Variants in CCDC70 observed in about 807,000 individuals in gnomAD.
CCDC70 encodes the protein coiled-coil domain containing 70, also known as coiled-coil domain-containing protein 70.
A neutral mutation model predicts 9.1 loss-of-function variants in CCDC70; 4 were observed. The observed-to-expected ratio is 0.44, with a 90% confidence interval of 0.22 to 1.00. CCDC70 has a LOEUF of 1.00. Among genes scored for constraint, CCDC70 ranks in the 50% least tolerant of loss-of-function variants. The pLI is 0.25. For missense variants in CCDC70, 308 were observed against 271.3 expected (o/e 1.14, Z -0.95); for synonymous variants, 119 against 94.0 (o/e 1.27, Z -1.54).
chr13:51,865,378 C>G lies in CCDC70; in HGVS notation c.-34C>G. ...CCTGGCCAAGGGTCCTGTCATCCCT[C>G]ATGGCCACCCCGCCATTCCGGCTGA... On this transcript the variant is annotated 5_prime_UTR_variant, in exon 2 of 2. Coordinates refer to ENST00000242819, the MANE Select transcript of CCDC70 (RefSeq NM_031290.4). 1 of 1,584,044 alleles carries G rather than the reference C, an allele frequency of 6.3e-7. No individual in the cohort carries two copies. Among genetic ancestry groups the G allele is most frequent in the Non-Finnish European group, 8.6e-7 (1 of 1,165,416 alleles).
chr13:51,863,674 C>CAG (rs1566370054), intron 1 of CCDC70, among the ~76,000 whole-genome samples: 46 of 24,044 alleles, frequency 1.9e-3, no homozygotes, highest in African/African-American at 3.0e-3. Context: ...CGCACACAGA[C>CAG]ACACACACAC....
chr13:51,864,761 A>G (rs1447797232), intron 1 of CCDC70, among the ~76,000 whole-genome samples: 1 of 152,128 alleles, frequency 6.6e-6, no homozygotes, highest in East Asian at 1.9e-4. Flanking sequence ...GTTCCATATT[A>G]CTAAATATTG....
chr13:51,865,744 G>C lies in CCDC70; in HGVS notation c.333G>C (p.Trp111Cys), dbSNP rs768556173. 1.2e-6 allele frequency: 2 copies of C among 1,614,110 alleles called. No individual in the cohort carries two copies. The highest frequency in any genetic ancestry group is 2.2e-5 in the South Asian group (2 of 91,078). The change falls in exon 2 of 2, where the codon TGG becomes TGC. Residue 111 changes from tryptophan to cysteine, a missense_variant. Coordinates refer to ENST00000242819, the MANE Select transcript of CCDC70 (RefSeq NM_031290.4). The part of the protein sequence containing the change: ...KSFREEEKTF[W>C]KKYRTFWKED... ...TCAGGGAGGAAGAGAAAACTTTCTGGAAAAAGTACCGCACTTTCTGGAAGG... is the reference window on the plus strand; with the variant it reads ...TCAGGGAGGAAGAGAAAACTTTCTGCAAAAAGTACCGCACTTTCTGGAAGG...
chr13:51,862,900 C>A (rs145464534), intron 1 of CCDC70, among the ~76,000 whole-genome samples: 1 of 152,134 alleles, frequency 6.6e-6, no homozygotes, highest in Non-Finnish European at 1.5e-5. Flanking sequence ...CCTATATAGG[C>A]GGCGTTATAT....
In CCDC70 at chr13:51,865,945, T is replaced by A. The variant is rs774540385; in HGVS notation, c.534T>A (p.Asn178Lys). Residue 178 changes from asparagine (N) to lysine (K), a missense_variant, in exon 2 of 2, where the codon AAT (asparagine) becomes AAA (lysine). By Grantham distance (94) the Asn-to-Lys change is moderately conservative. Transcript: ENST00000242819. Reference sequence around the variant, plus strand: ...AAACGTCCCTCTGGGAGGAAGAGAATGCCCTCTGGGAGGAAGAGAGGGCCT... The same window carrying A: ...AAACGTCCCTCTGGGAGGAAGAGAAAGCCCTCTGGGAGGAAGAGAGGGCCT... ...EDKTSLWEEE[N>K]ALWEEERAFW... 9 of 1,613,756 alleles carry A rather than the reference T, an allele frequency of 5.6e-6. No homozygotes were observed. The Admixed American group carries it at 1.5e-4, about 27-fold the overall frequency.
chr13:51,865,709 G>T lies in CCDC70; in HGVS notation c.298G>T (p.Glu100Ter), dbSNP rs377500451. 2 of 1,614,206 alleles carry T rather than the reference G, an allele frequency of 1.2e-6. No homozygotes were observed. The highest frequency in any genetic ancestry group is 1.7e-6 in the Non-Finnish European group (2 of 1,180,024). The change falls in exon 2 of 2, where the codon GAA (glutamate) becomes TAA (stop). Residue 100 changes from glutamate (E) to a stop codon, truncating the protein, a stop_gained. Transcript: ENST00000242819. LOFTEE classifies it high-confidence loss of function. ...WKEEKSFWEMEKSFREEEKTF... is the reference protein window; with the variant it reads ...WKEEKSFWEM ...AGAGGAAAAATCCTTCTGGGAAATG[G>T]AAAAGTCTTTCAGGGAGGAAGAGAA...
At position 51,865,714 on chromosome 13, in the gene CCDC70, GTCTT is replaced by G. The variant is rs779884959; in HGVS notation, c.306_309del (p.Phe103GlyfsTer51). On this transcript the variant is annotated frameshift_variant, in exon 2 of 2. Transcript: ENST00000242819. LOFTEE classifies it high-confidence loss of function. ...AAAAATCCTTCTGGGAAATGGAAAA[GTCTT>G]TCAGGGAGGAAGAGAAAACTTTCTG... 6 of 1,614,194 alleles carry G rather than the reference GTCTT, an allele frequency of 3.7e-6. No individual in the cohort carries two copies. The Admixed American group carries it at 1.0e-4, about 27-fold the overall frequency.
chr13:51,864,012 A>G (rs1218383741), intron 1 of CCDC70, among the ~76,000 whole-genome samples: 4 of 152,098 alleles, frequency 2.6e-5, no homozygotes, highest in African/African-American at 4.8e-5. Context: ...AGGGATTGCT[A>G]TGGATAATTC....
At position 51,866,007 on chromosome 13, in the gene CCDC70, A is replaced by G. The variant is rs748169108; in HGVS notation, c.596A>G (p.Gln199Arg). ...AACAATGGCCACATTGCCGGAGAGC[A>G]GATGCTCGAAGATGGGCCCCACAAC... ...MENNGHIAGE[Q>R]MLEDGPHNAN... The change falls in exon 2 of 2, where the codon CAG becomes CGG. Residue 199 changes from glutamine (Q) to arginine (R), a missense_variant. Physicochemically the swap from Gln to Arg is conservative, Grantham distance 43 (BLOSUM62 1). Coordinates refer to ENST00000242819, the MANE Select transcript of CCDC70 (RefSeq NM_031290.4). 30 of 1,611,914 alleles carry G rather than the reference A, an allele frequency of 1.9e-5. No individual in the cohort carries two copies. Among genetic ancestry groups the G allele is most frequent in the Non-Finnish European group, 2.5e-5 (29 of 1,179,310 alleles).
In CCDC70 at chr13:51,865,878, A is replaced by C; in HGVS notation, c.467A>C (p.Glu156Ala). Reference sequence around the variant, plus strand: ...GAAGAAAAGGCCCTGTGGGTAGAGGAAAGAGCCCTCCTTGAGGGGGAGAAA... The same window carrying C: ...GAAGAAAAGGCCCTGTGGGTAGAGGCAAGAGCCCTCCTTGAGGGGGAGAAA... ...WEEEKALWVE[E>A]RALLEGEKAL... The change falls in exon 2 of 2, where the codon GAA (glutamate) becomes GCA (alanine). Residue 156 changes from glutamate to alanine, a missense_variant. Glu to Ala is a moderately radical substitution (Grantham distance 107). Coordinates refer to ENST00000242819, the MANE Select transcript of CCDC70 (RefSeq NM_031290.4). The C allele has an allele frequency of 6.2e-7, 1 of 1,613,600 alleles. No homozygotes were observed. Among genetic ancestry groups the C allele is most frequent in the Non-Finnish European group, 8.5e-7 (1 of 1,179,880 alleles).
Position 51,865,961 on chromosome 13 carries a change from G to A in CCDC70, c.550G>A (p.Glu184Lys), listed in dbSNP as rs1956421213. The A allele has an allele frequency of 6.2e-7, 1 of 1,613,982 alleles. No individual in the cohort carries two copies. The highest frequency in any genetic ancestry group is 8.5e-7 in the Non-Finnish European group (1 of 1,180,000). The change falls in exon 2 of 2, where the codon GAG (glutamate) becomes AAG (lysine). Residue 184 changes from glutamate (E) to lysine (K), a missense_variant. Transcript: ENST00000242819. ...WEEENALWEEERAFWMENNGH... is the reference protein window; with the variant it reads ...WEEENALWEEKRAFWMENNGH... ...GGAAGAGAATGCCCTCTGGGAGGAAGAGAGGGCCTTCTGGATGGAGAACAA... is the reference window on the plus strand; with the variant it reads ...GGAAGAGAATGCCCTCTGGGAGGAAAAGAGGGCCTTCTGGATGGAGAACAA...
In CCDC70 at chr13:51,866,116, C is replaced by A; in HGVS notation, c.*36C>A. On this transcript the variant is annotated 3_prime_UTR_variant, in exon 2 of 2. Coordinates refer to ENST00000242819, the MANE Select transcript of CCDC70 (RefSeq NM_031290.4). ...GGTGCAGGGCCCTGTGGTCCAGACT[C>A]CCCTGGGTTGGGATTCAAGTCCAGG... The A allele has an allele frequency of 6.7e-7, 1 of 1,501,712 alleles. No individual in the cohort carries two copies. Among genetic ancestry groups the A allele is most frequent in the Non-Finnish European group, 8.9e-7 (1 of 1,121,834 alleles). The allele number at this position is 1,501,712 out of a possible 1,614,324, so 93.0% of individuals were successfully genotyped here.
At chr13:51,864,535 A>T (rs868258335) in intron 1 of CCDC70, among the ~76,000 whole-genome samples, 1 of 152,234 alleles carries the variant, frequency 6.6e-6, no homozygotes, top group Non-Finnish European at 1.5e-5. Flanking sequence ...AGATTTACCC[A>T]TGCTGTTGTA....
rs367564465 is a variant in CCDC70 at position 51,865,648 on chromosome 13, G to A, written c.237G>A (p.Glu79=). ...AGATCCTGGGTTTTTGGGAAGAGGAGAGACCTTTCTGGGAAGAGGAGAAAA... is the reference window on the plus strand; with the variant it reads ...AGATCCTGGGTTTTTGGGAAGAGGAAAGACCTTTCTGGGAAGAGGAGAAAA... ...RGQILGFWEE[E]RPFWEEEKTF... Residue 79 remains glutamate (E), a synonymous_variant, in exon 2 of 2, where the codon GAG becomes GAA. Coordinates refer to ENST00000242819, the MANE Select transcript of CCDC70 (RefSeq NM_031290.4). 6.2e-7 allele frequency: 1 copy of A among 1,614,160 alleles called. No homozygotes were observed. The highest frequency in any genetic ancestry group is 8.5e-7 in the Non-Finnish European group (1 of 1,180,018).
chr13:51,863,047 G>C (rs1423627219), intron 1 of CCDC70, among the ~76,000 whole-genome samples: 2 of 152,240 alleles, frequency 1.3e-5, no homozygotes, highest in Non-Finnish European at 2.9e-5. Flanking sequence ...GAGGGTCCGA[G>C]TAGCTTTCAG....
At chr13:51,864,410 C>T (rs1298348745) in intron 1 of CCDC70, among the ~76,000 whole-genome samples, 4 of 152,196 alleles carry the variant, frequency 2.6e-5, no homozygotes, top group Non-Finnish European at 4.4e-5. Flanking sequence ...CCTTGCTTTT[C>T]TCTTTCTGTG....
At chr13:51,863,285 G>A (rs577331) in intron 1 of CCDC70, among the ~76,000 whole-genome samples, 1 of 152,072 alleles carries the variant, frequency 6.6e-6, no homozygotes, top group Non-Finnish European at 1.5e-5. Context: ...TTCCTAGGGC[G>A]TTCAGCTTTG....
intron 1 of CCDC70, among the ~76,000 whole-genome samples, chr13:51,863,248 C>T (rs937045288): frequency 6.6e-6 from 1 of 152,184 alleles, no homozygotes; most frequent in Non-Finnish European, 1.5e-5. Flanking sequence ...GAGGGAGAAG[C>T]AAGCTGGAGT....
intron 1 of CCDC70, among the ~76,000 whole-genome samples, chr13:51,863,691 A>ACACACACACACACACAC (rs1566370103): frequency 1.5e-5 from 2 of 130,996 alleles, no homozygotes; most frequent in African/African-American, 2.8e-5. Flanking sequence ...ACACACACAC[A>ACACACACACACACACAC]CACACACACA....
Sources: allele counts gnomAD v4.1 joint callset (sites outside exome capture counted in the v4.1 genomes callset), GRCh38; gene constraint gnomAD v4.1.1; transcripts MANE v1.5; gene names NCBI Gene and HGNC (gene_info 2026-07-23, HGNC 2026-07-21).